Variants in PCDHA1 observed in about 807,000 individuals in gnomAD.
The protein encoded by PCDHA1 is protocadherin alpha 1, also known as protocadherin alpha-1.
A neutral mutation model predicts 61.3 loss-of-function variants in PCDHA1; 42 were observed. That is an observed-to-expected ratio of 0.69 (90% CI 0.54 to 0.89). The LOEUF is 0.89. Ranked by LOEUF, PCDHA1 falls within the 40% of genes least tolerant of loss-of-function variation. The pLI, the probability that PCDHA1 is intolerant of heterozygous loss-of-function variation, is 0.00. For synonymous variants in PCDHA1, 610 were observed against 553.8 expected, an observed-to-expected ratio of 1.10 and a Z score of -1.43; for missense variants, 1,256 against 1,235.3, an observed-to-expected ratio of 1.02 and a Z score of -0.25.
intron 1 of PCDHA1, among the ~76,000 whole-genome samples, chr5:140,901,970 G>T (rs1178784932): frequency 1.3e-5 from 2 of 151,954 alleles, no homozygotes; most frequent in Non-Finnish European, 2.9e-5. Context: ...TCGTAAATGG[G>T]ATTACTTTTT....
At chr5:140,928,914 A>C in intron 1 of PCDHA1, 2 of 1,614,136 alleles carry the variant, frequency 1.2e-6, no homozygotes, top group Non-Finnish European at 1.7e-6. Flanking sequence ...GGGAACCAGG[A>C]GGGCAGCTTT....
chr5:140,884,051 C>T (rs782045843), intron 1 of PCDHA1: 4 of 1,613,308 alleles, frequency 2.5e-6, no homozygotes, highest in Non-Finnish European at 2.5e-6. Context: ...GGCGAAGGTG[C>T]GCGCGGTGGA....
chr5:140,955,493 T>G (rs1554221955), intron 1 of PCDHA1, among the ~76,000 whole-genome samples: 1 of 152,190 alleles, frequency 6.6e-6, no homozygotes, highest in African/African-American at 2.4e-5. Flanking sequence ...CCTGCCACCA[T>G]GTGAAGAAAG....
chr5:140,822,975 C>T (rs2150120923), intron 1 of PCDHA1: 6 of 1,614,234 alleles, frequency 3.7e-6, no homozygotes, highest in Non-Finnish European at 5.1e-6. Context: ...TGTCCACCTT[C>T]AAGAATTACT....
chr5:140,919,867 G>A (rs2079334985), intron 1 of PCDHA1, among the ~76,000 whole-genome samples: 1 of 152,178 alleles, frequency 6.6e-6, no homozygotes, highest in Non-Finnish European at 1.5e-5. Context: ...TTGGAAATAA[G>A]TCTTTGAAGA....
At chr5:140,851,411 A>T in intron 1 of PCDHA1, 1 of 962,208 alleles carries the variant, frequency 1.0e-6, no homozygotes, top group Non-Finnish European at 1.3e-6. Flanking sequence ...ATAAGAAAGA[A>T]ACTTCCCCTA....
At chr5:140,904,558 T>C (rs1288543737) in intron 1 of PCDHA1, among the ~76,000 whole-genome samples, 1 of 152,082 alleles carries the variant, frequency 6.6e-6, no homozygotes, top group Non-Finnish European at 1.5e-5. Flanking sequence ...ATAATGACTT[T>C]TTTTTCCTCT....
intron 1 of PCDHA1, chr5:140,802,382 C>G (rs1554122092): frequency 6.2e-7 from 1 of 1,614,150 alleles, no homozygotes; most frequent in Non-Finnish European, 8.5e-7. Flanking sequence ...ACGTCCCCTT[C>G]AAGCTGGTGT....
chr5:140,937,229 G>A (rs2091424119), intron 1 of PCDHA1, among the ~76,000 whole-genome samples: 1 of 151,784 alleles, frequency 6.6e-6, no homozygotes, highest in Non-Finnish European at 1.5e-5. Flanking sequence ...TGTAGAGACG[G>A]GGTTTCACCG....
chr5:140,823,840 G>T, intron 1 of PCDHA1: 1 of 1,613,840 alleles, frequency 6.2e-7, no homozygotes, highest in East Asian at 2.2e-5. Flanking sequence ...TGTGGGTCCC[G>T]AGGCTGCCCT....
intron 1 of PCDHA1, among the ~76,000 whole-genome samples, chr5:140,890,852 C>G (rs2153432069): frequency 6.6e-6 from 1 of 152,254 alleles, no homozygotes; most frequent in South Asian, 2.1e-4. Flanking sequence ...TGTTTCTCTT[C>G]CTTACTTCTT....
intron 1 of PCDHA1, among the ~76,000 whole-genome samples, chr5:140,894,286 A>T (rs2064400911): frequency 6.6e-6 from 1 of 151,788 alleles, no homozygotes; most frequent in African/African-American, 2.4e-5. Flanking sequence ...GTATTTTTGA[A>T]GTTTATTTTC....
intron 1 of PCDHA1, among the ~76,000 whole-genome samples, chr5:140,957,549 C>T (rs563057107): frequency 6.6e-6 from 1 of 152,038 alleles, no homozygotes; most frequent in South Asian, 2.1e-4. Flanking sequence ...AAAGTATTCT[C>T]TGTGGAAAAG....
intron 1 of PCDHA1, chr5:140,802,606 C>T (rs782355104): frequency 3.7e-6 from 6 of 1,613,820 alleles, no homozygotes; most frequent in Non-Finnish European, 4.2e-6. Flanking sequence ...AACAACCCGC[C>T]GGGCTGCCAC....
rs137875021 is a variant in PCDHA1, at chr5:140,942,837, A to C, written c.2395-36112A>C. Among the ~76,000 whole-genome samples, 666 of 152,296 alleles carry C rather than the reference A, an allele frequency of 4.4e-3. 3 individuals are homozygous for C. Among genetic ancestry groups the C allele is most frequent in the African/African-American group, 0.016 (646 of 41,564 alleles). On this transcript the variant is annotated intron_variant, in intron 1 of 3. Transcript: ENST00000504120. ...TTGGATTTGGCCCTGTGTCAATAAA[A>C]ATTCCAGTAAGATGATTATTTTGCT...
At chr5:140,851,427 T>C in intron 1 of PCDHA1, 2 of 945,324 alleles carry the variant, frequency 2.1e-6, no homozygotes, top group Non-Finnish European at 2.6e-6. Flanking sequence ...CCCTAAACTT[T>C]AGAAAACAGT....
At chr5:140,806,506 TC>T (rs1763743813) in intron 1 of PCDHA1, among the ~76,000 whole-genome samples, 2 of 152,220 alleles carry the variant, frequency 1.3e-5, no homozygotes, top group Admixed American at 1.3e-4. Context: ...AAGGAAGACA[TC>T]TAATTAAATG....
At chr5:140,949,474 G>T (rs2094384891) in intron 1 of PCDHA1, among the ~76,000 whole-genome samples, 1 of 151,524 alleles carries the variant, frequency 6.6e-6, no homozygotes, top group Admixed American at 6.6e-5. Flanking sequence ...CTGTTATTAG[G>T]CACACACATT....
intron 1 of PCDHA1, chr5:140,865,312 G>A (rs949727799): frequency 1.1e-4 from 17 of 152,148 alleles, no homozygotes; most frequent in African/African-American, 4.1e-4. Context: ...TTACAAATGA[G>A]ATGGCCTTTA....
Sources: allele counts gnomAD v4.1 joint callset (sites outside exome capture counted in the v4.1 genomes callset), GRCh38; gene constraint gnomAD v4.1.1; transcripts MANE v1.5; gene names NCBI Gene and HGNC (gene_info 2026-07-23, HGNC 2026-07-21).